PHLPP2: variants seen among roughly 807,000 people sequenced by gnomAD.
The protein encoded by PHLPP2 is PH domain leucine-rich repeat-containing protein phosphatase 2.
In PHLPP2, 66 loss-of-function variants were observed where a neutral mutation model predicts 124.9. That is an observed-to-expected ratio of 0.53 (90% CI 0.43 to 0.65). PHLPP2 has a LOEUF of 0.65. Ranked by LOEUF, PHLPP2 falls within the 30% of genes least tolerant of loss-of-function variation. The pLI is 0.00. For missense variants in PHLPP2, 1,685 were observed against 1,600.4 expected (o/e 1.05, Z -0.90); for synonymous variants, 681 against 624.7 (o/e 1.09, Z -1.34).
intron 2 of PHLPP2, among the ~76,000 whole-genome samples, chr16:71,711,946 T>A (rs1260521623): frequency 6.6e-6 from 1 of 152,232 alleles, no homozygotes; most frequent in Non-Finnish European, 1.5e-5. Flanking sequence ...CCAGTTCCTG[T>A]CACAGCTGGC....
intron 16 of PHLPP2, 96 bp downstream of exon 16, chr16:71,656,475 G>A: frequency 1.4e-6 from 1 of 713,010 alleles, no homozygotes. Context: ...GTGTACAACA[G>A]AACAACATGG....
At chr16:71,718,203 T>C (rs2045375795) in intron 1 of PHLPP2, among the ~76,000 whole-genome samples, 1 of 152,168 alleles carries the variant, frequency 6.6e-6, no homozygotes, top group South Asian at 2.1e-4. Flanking sequence ...TGATTTTTCT[T>C]CTGTGAGGAT....
intron 3 of PHLPP2, among the ~76,000 whole-genome samples, chr16:71,700,038 G>C (rs1224180341): frequency 6.6e-6 from 1 of 152,186 alleles, no homozygotes; most frequent in African/African-American, 2.4e-5. Flanking sequence ...GGGGTGGGCT[G>C]AGTAAATGGG....
At chr16:71,684,366 TC>T in intron 5 of PHLPP2, 109 bp downstream of exon 5, 1 of 1,035,908 alleles carries the variant, frequency 9.7e-7, no homozygotes, top group South Asian at 1.4e-5. Context: ...CCTCAGGTGA[TC>T]CGTCCACCTC....
intron 1 of PHLPP2, among the ~76,000 whole-genome samples, chr16:71,721,191 CA>C (rs879424754): frequency 2.5e-4 from 36 of 142,390 alleles, no homozygotes; most frequent in Non-Finnish European, 1.9e-4. Context: ...AACAAACAAA[CA>C]AAAAAAAAAA....
intron 10 of PHLPP2, among the ~76,000 whole-genome samples, chr16:71,671,979 G>A (rs562511872): frequency 6.6e-6 from 1 of 152,194 alleles, no homozygotes; most frequent in Non-Finnish European, 1.5e-5. Context: ...GACAAAACGG[G>A]AATCAGTGCC....
chr16:71,672,097 C>T (rs2044899394), intron 10 of PHLPP2, among the ~76,000 whole-genome samples, 165 bp downstream of exon 10: 1 of 152,154 alleles, frequency 6.6e-6, no homozygotes, highest in African/African-American at 2.4e-5. Flanking sequence ...TTCCTTTATA[C>T]AGTAAGGCTA....
Position 71,679,539 on chromosome 16 carries a change from A to C in PHLPP2, c.891-4T>G. The C allele has an allele frequency of 1.1e-5, 18 of 1,613,766 alleles. No homozygotes were observed. Among genetic ancestry groups the C allele is most frequent in the Non-Finnish European group, 1.4e-5 (17 of 1,179,786 alleles). On this transcript the variant is annotated splice_polypyrimidine_tract_variant and splice_region_variant and intron_variant, in intron 6 of 18. Transcript: ENST00000568954. The stretch of plus-strand genomic sequence containing the variant: ...CAGGCCCTTCAGTTGAGAAAATCTA[A>C]AGAGCAAAGGCAAAAATGGGTATTG...
chr16:71,681,562 T>C (rs542428311), intron 6 of PHLPP2, among the ~76,000 whole-genome samples, 189 bp downstream of exon 6: 3 of 152,342 alleles, frequency 2.0e-5, no homozygotes, highest in African/African-American at 7.2e-5. Context: ...ACAGAACATT[T>C]ACATCAATCT....
rs543105259 is a variant in PHLPP2 at position 71,648,241 on chromosome 16, C to G, written c.*649G>C. The G allele has an allele frequency of 6.5e-6, 1 of 153,718 alleles. No homozygotes were observed. Among genetic ancestry groups the G allele is most frequent in the Non-Finnish European group, 1.5e-5 (1 of 68,256 alleles). The allele number at this position is 153,718 out of a possible 1,614,324, so 9.5% of individuals were successfully genotyped here. On this transcript the variant is annotated 3_prime_UTR_variant, in exon 19 of 19. Transcript: ENST00000568954. Reference sequence around the variant, plus strand: ...CTTTTTTCCTCCACAGAAATAGTCCCTTTCCTGCCCAGGCAGGCAAATTCT... The same window carrying G: ...CTTTTTTCCTCCACAGAAATAGTCCGTTTCCTGCCCAGGCAGGCAAATTCT...
At chr16:71,689,385 CTTTTTTTTTTTTTT>C (rs57755507) in intron 4 of PHLPP2, among the ~76,000 whole-genome samples, 30 of 62,548 alleles carry the variant, frequency 4.8e-4, no homozygotes, top group South Asian at 2.7e-3. Context: ...CTACACCTGG[CTTTTTTTTTTTTTT>C]TTTTTTTTTT....
chr16:71,715,067 A>C, intron 1 of PHLPP2: 1 of 453,236 alleles, frequency 2.2e-6, no homozygotes. Flanking sequence ...AGAATAACGA[A>C]ACAGCGGGTT....
At chr16:71,719,623 A>G (rs1007060020) in intron 1 of PHLPP2, among the ~76,000 whole-genome samples, 25 of 152,154 alleles carry the variant, frequency 1.6e-4, no homozygotes, top group Admixed American at 1.5e-3. Flanking sequence ...TGAAAAAAAA[A>G]AAAGAATCTC....
rs1277323857 is a variant in PHLPP2, at chr16:71,655,394, C to A, written c.2431G>T (p.Gly811Trp). 6.2e-7 allele frequency: 1 copy of A among 1,614,038 alleles called. No individual in the cohort carries two copies. The highest frequency in any genetic ancestry group is 1.3e-5 in the African/African-American group (1 of 74,918). ...AACATGCCATACACAGCTCCCACCC[C>A]CTCTGCAAAGCTATCCATAGCAAGT... ...SALAMDSFAE[G>W]VGAVYGMFDG... The change falls in exon 17 of 19, where the codon GGG becomes TGG. Residue 811 changes from glycine (G) to tryptophan (W), a missense_variant. Gly to Trp is a radical substitution (Grantham distance 184, BLOSUM62 -2). Transcript: ENST00000568954.
intron 3 of PHLPP2, among the ~76,000 whole-genome samples, chr16:71,701,392 T>C (rs2045232467): frequency 6.6e-6 from 1 of 152,104 alleles, no homozygotes; most frequent in South Asian, 2.1e-4. Context: ...TTTTCAAAGA[T>C]TATTAACTTT....
intron 5 of PHLPP2, 36 bp downstream of exon 5, chr16:71,684,440 C>A: frequency 6.2e-7 from 1 of 1,611,218 alleles, no homozygotes; most frequent in Non-Finnish European, 8.5e-7. Context: ...GTTCTCTATT[C>A]TTATCTCCAC....
In PHLPP2 at chr16:71,713,976, G is replaced by A. The variant is rs1237431521; in HGVS notation, c.284+536C>T. ...TTTTTTTTTGAGACAGTGTCTTGCTGTCACCCAGGCTGCAGTGCAGTGGCA... is the reference window on the plus strand; with the variant it reads ...TTTTTTTTTGAGACAGTGTCTTGCTATCACCCAGGCTGCAGTGCAGTGGCA... On this transcript the variant is annotated intron_variant, in intron 2 of 18. Transcript: ENST00000568954. 2.8e-5 allele frequency among the ~76,000 whole-genome samples: 4 copies of A among 140,520 alleles called. No individual in the cohort carries two copies. The Admixed American group carries it at 3.0e-4, about 10-fold the overall frequency. 92.2% of individuals were successfully genotyped at this position (140,520 alleles called of 152,430 possible).
intron 3 of PHLPP2, among the ~76,000 whole-genome samples, chr16:71,697,192 AAATAAATAAATAAATAAATAAAT>A (rs1463753122): frequency 5.0e-5 from 2 of 40,110 alleles, no homozygotes; most frequent in Admixed American, 4.2e-4. Flanking sequence ...ATAAATAAAT[AAATAAATAAATAAATAAATAAAT>A]AAAAAGAAAC....
At position 71,667,214 on chromosome 16, in the gene PHLPP2, G is replaced by A. The variant is rs745898023; in HGVS notation, c.1748C>T (p.Thr583Met). The A allele has an allele frequency of 1.5e-5, 25 of 1,613,536 alleles. No homozygotes were observed. The highest frequency in any genetic ancestry group is 1.9e-5 in the Non-Finnish European group (22 of 1,179,824). ...GGAGAAGAGGGTGTCTGGCAGCCTC[G>A]TGAGTGCATTATGCTGAAGATCCAG... Reference protein sequence around the residue: ...EVLDLQHNALTRLPDTLFSKA... With the variant: ...EVLDLQHNALMRLPDTLFSKA... Residue 583 changes from threonine (T) to methionine (M), a missense_variant, in exon 12 of 19, where the codon ACG (threonine) becomes ATG (methionine). Thr to Met is a moderately conservative substitution (Grantham distance 81). Coordinates refer to ENST00000568954, the MANE Select transcript of PHLPP2 (RefSeq NM_015020.3).
Sources: allele counts gnomAD v4.1 joint callset (sites outside exome capture counted in the v4.1 genomes callset), GRCh38; gene constraint gnomAD v4.1.1; transcripts MANE v1.5; gene names NCBI Gene and HGNC (gene_info 2026-07-23, HGNC 2026-07-21).